Variants in C1QTNF7 observed in about 807,000 individuals in gnomAD.
C1QTNF7 encodes the protein complement C1q tumor necrosis factor-related protein 7.
In C1QTNF7, 15 loss-of-function variants were observed where a neutral mutation model predicts 19.6. That is an observed-to-expected ratio of 0.76 (90% CI 0.51 to 1.18). The LOEUF (loss-of-function observed/expected upper bound fraction) is 1.18, where lower values mean the gene tolerates loss of function less well. C1QTNF7 is among the 50% of genes most tolerant of loss of function. The probability of loss-of-function intolerance (pLI) is 0.00; values close to 1 mark genes in which losing one functional copy is unlikely to be tolerated. For missense variants in C1QTNF7, 324 were observed against 359.7 expected, an observed-to-expected ratio of 0.90 and a Z score of 0.80; for synonymous variants, 142 against 137.5, an observed-to-expected ratio of 1.03 and a Z score of -0.23.
At chr4:15,358,110 C>G (rs1717208265) in intron 1 of C1QTNF7, 1 of 152,166 alleles carries the variant, frequency 6.6e-6, no homozygotes, top group Non-Finnish European at 1.5e-5. Flanking sequence ...GCCAGAACTT[C>G]CAATACTGTG....
intron 2 of C1QTNF7, among the ~76,000 whole-genome samples, chr4:15,439,551 T>G (rs1010897896): frequency 7.9e-5 from 12 of 152,220 alleles, no homozygotes; most frequent in African/African-American, 2.9e-4. Flanking sequence ...TGGATTGGAC[T>G]TAGATCCAAT....
At chr4:15,386,253 G>A (rs541776692) in intron 1 of C1QTNF7, among the ~76,000 whole-genome samples, 2 of 152,214 alleles carry the variant, frequency 1.3e-5, no homozygotes, top group Non-Finnish European at 2.9e-5. Flanking sequence ...TGGAGCTTTT[G>A]AGGGGACCAT....
intron 1 of C1QTNF7, among the ~76,000 whole-genome samples, chr4:15,394,845 A>C (rs900188362): frequency 1.3e-5 from 2 of 151,932 alleles, no homozygotes; most frequent in Admixed American, 1.3e-4. Context: ...GTGCCTTAGG[A>C]TAGATATCGG....
intron 1 of C1QTNF7, among the ~76,000 whole-genome samples, chr4:15,348,274 A>T (rs1716784437): frequency 6.6e-6 from 1 of 152,182 alleles, no homozygotes; most frequent in Non-Finnish European, 1.5e-5. Context: ...CAAAGGAGAC[A>T]ATTTCAGTGG....
intron 1 of C1QTNF7, among the ~76,000 whole-genome samples, chr4:15,377,483 A>G (rs1717982887): frequency 1.3e-5 from 2 of 152,218 alleles, no homozygotes; most frequent in African/African-American, 2.4e-5. Flanking sequence ...AAATAAAGCT[A>G]TAATATCTAT....
intron 1 of C1QTNF7, among the ~76,000 whole-genome samples, chr4:15,368,159 G>T (rs888613264): frequency 1.3e-5 from 2 of 152,004 alleles, no homozygotes; most frequent in African/African-American, 4.8e-5. Flanking sequence ...GTAGTATCTC[G>T]CAGTATAGAC....
intron 1 of C1QTNF7, among the ~76,000 whole-genome samples, chr4:15,371,161 C>T (rs1717708238): frequency 6.6e-6 from 1 of 152,236 alleles, no homozygotes; most frequent in African/African-American, 2.4e-5. Context: ...CTTGCAGGAA[C>T]CCAGGCATTG....
At chr4:15,426,215 T>C (rs1577276859), upstream of C1QTNF7, among the ~76,000 whole-genome samples, 2 of 152,188 alleles carry the variant, frequency 1.3e-5, no homozygotes, top group East Asian at 3.8e-4. Flanking sequence ...ACCCCGTCCT[T>C]GGGGTGAGTG....
intron 1 of C1QTNF7, among the ~76,000 whole-genome samples, chr4:15,345,758 C>T (rs1377991031): frequency 6.6e-6 from 1 of 152,206 alleles, no homozygotes; most frequent in African/African-American, 2.4e-5. Flanking sequence ...CAAAGTTACT[C>T]AGTTTGCCAG....
chr4:15,340,163 C>T lies in C1QTNF7; in HGVS notation c.-32C>T, dbSNP rs1444655415. On this transcript the variant is annotated 5_prime_UTR_variant, in exon 1 of 3. Transcript: ENST00000295297. ...CATGGGACAACCAAAGCAAGAAAGCCTCATGTTTTGGGGGAAAGTTTGATA... is the reference window on the plus strand; with the variant it reads ...CATGGGACAACCAAAGCAAGAAAGCTTCATGTTTTGGGGGAAAGTTTGATA... 2.6e-6 allele frequency: 4 copies of T among 1,551,156 alleles called. No homozygotes were observed. The African/African-American group carries it at 4.1e-5, about 16-fold the overall frequency.
chr4:15,423,714 C>T (rs1187660664), upstream of C1QTNF7, among the ~76,000 whole-genome samples: 1 of 152,230 alleles, frequency 6.6e-6, no homozygotes, highest in Non-Finnish European at 1.5e-5. Flanking sequence ...CTCTTTCCCA[C>T]TGGCCTCCAC....
intron 1 of C1QTNF7, among the ~76,000 whole-genome samples, chr4:15,416,786 T>C (rs2108921829): frequency 6.6e-6 from 1 of 152,338 alleles, no homozygotes; most frequent in East Asian, 1.9e-4. Context: ...GATTCTAACA[T>C]AGGAACTGTG....
chr4:15,382,741 C>T (rs1249225866), intron 1 of C1QTNF7, among the ~76,000 whole-genome samples: 1 of 152,192 alleles, frequency 6.6e-6, no homozygotes, highest in Non-Finnish European at 1.5e-5. Context: ...TTTTTACAGC[C>T]AGACTTTCTT....
rs562526363 is a variant in C1QTNF7 at position 15,378,337 on chromosome 4, G to A, written c.13+38130G>A. ...TGCACAGCTGGAGTAAATCTATGGG[G>A]CTTCTCTAGACTCTGCTCAGAAAAC... On this transcript the variant is annotated intron_variant, in intron 1 of 2. Coordinates refer to the C1QTNF7 transcript ENST00000295297. Among the ~76,000 whole-genome samples, 8 of 152,242 alleles carry A rather than the reference G, an allele frequency of 5.3e-5. No individual in the cohort carries two copies. In the South Asian group the frequency reaches 1.5e-3, roughly 28 times the overall value.
chr4:15,414,798 T>C (rs934538976), intron 1 of C1QTNF7, among the ~76,000 whole-genome samples: 6 of 152,038 alleles, frequency 3.9e-5, no homozygotes, highest in Non-Finnish European at 8.8e-5. Flanking sequence ...TTTTTTTCTA[T>C]TAAAGTAAAT....
At position 15,344,178 on chromosome 4, in the gene C1QTNF7, T is replaced by C. The variant is rs1577224645; in HGVS notation, c.13+3971T>C. Among the ~76,000 whole-genome samples, 3 of 152,236 alleles carry C rather than the reference T, an allele frequency of 2.0e-5. No individual in the cohort carries two copies. In the East Asian group the frequency reaches 5.8e-4, roughly 29 times the overall value. ...TGCATGCATATGGTGCAGAAGGAGA[T>C]AAGCTTAGAGTACTTGATTGGAATC... On this transcript the variant is annotated intron_variant, in intron 1 of 2. Transcript: ENST00000295297.
intron 1 of C1QTNF7, among the ~76,000 whole-genome samples, chr4:15,412,387 C>T (rs1365007844): frequency 1.3e-5 from 2 of 150,998 alleles, no homozygotes; most frequent in Non-Finnish European, 2.9e-5. Context: ...CCAAAACGTT[C>T]GGGGAGAACT....
chr4:15,379,776 A>G (rs866136754), intron 1 of C1QTNF7, among the ~76,000 whole-genome samples: 2 of 152,256 alleles, frequency 1.3e-5, no homozygotes, highest in African/African-American at 2.4e-5. Context: ...CAGTTATCAT[A>G]TATGTCTGGT....
chr4:15,356,310 T>C (rs1717144980), intron 1 of C1QTNF7, among the ~76,000 whole-genome samples: 1 of 152,152 alleles, frequency 6.6e-6, no homozygotes, highest in African/African-American at 2.4e-5. Flanking sequence ...CCCTGTGTTC[T>C]CATTGTTCAA....
Sources: gnomAD v4.1 joint callset for allele counts (sites outside exome capture counted in the v4.1 genomes callset) on GRCh38, gnomAD v4.1.1 for gene constraint, MANE v1.5 for transcripts, NCBI Gene and HGNC (gene_info 2026-07-23, HGNC 2026-07-21) for gene names.